Variants in ZNF425 observed in about 807,000 individuals in gnomAD.
ZNF425 encodes the protein zinc finger protein 425.
Under a neutral mutation model 17.0 loss-of-function variants are expected in ZNF425, and 21 were observed. That is an observed-to-expected ratio of 1.23 (90% CI 0.88 to 1.78). The LOEUF is 1.78. ZNF425 is among the 40% of genes most tolerant of loss of function. The pLI is 0.00. For missense variants in ZNF425, 868 were observed against 967.3 expected (o/e 0.90, Z 1.36); for synonymous variants, 433 against 384.1 (o/e 1.13, Z -1.49).
chr7:149,115,237 C>A (rs114092158), intron 2 of ZNF425, among the ~76,000 whole-genome samples: 6,761 of 151,226 alleles, frequency 0.045, 510 homozygotes, highest in African/African-American at 0.15. Flanking sequence ...GGCATGAGCC[C>A]CCACGCCTGG....
At chr7:149,125,423 T>C (rs1826445835) in intron 1 of ZNF425, among the ~76,000 whole-genome samples, 1 of 152,226 alleles carries the variant, frequency 6.6e-6, no homozygotes, top group South Asian at 2.1e-4. Flanking sequence ...CAATTCATTT[T>C]AAGTTTTCTG....
chr7:149,113,604 T>C (rs902433687), intron 2 of ZNF425: 1 of 146,510 alleles, frequency 6.8e-6, no homozygotes, highest in Non-Finnish European at 1.5e-5. Flanking sequence ...CAGGCTGGAG[T>C]GCAGTGGCAT....
At chr7:149,107,612 C>T (rs1305414343) in intron 3 of ZNF425, among the ~76,000 whole-genome samples, 2 of 151,940 alleles carry the variant, frequency 1.3e-5, no homozygotes, top group African/African-American at 4.8e-5. Context: ...GCTGGGATTA[C>T]AGGCATAAGC....
chr7:149,123,616 C>T (rs1268731904), intron 1 of ZNF425, among the ~76,000 whole-genome samples: 13 of 152,124 alleles, frequency 8.5e-5, no homozygotes, highest in African/African-American at 3.1e-4. Flanking sequence ...ACTGCAACCT[C>T]TGCCTCCCAG....
chr7:149,126,101 C>G, intron 1 of ZNF425, 95 bp downstream of exon 1: 2 of 1,591,790 alleles, frequency 1.3e-6, no homozygotes, highest in Non-Finnish European at 1.7e-6. Flanking sequence ...AGGCCCAGGC[C>G]CCGGCCGCCC....
rs777517411 is a variant in ZNF425, at chr7:149,118,240, C to A, written c.127G>T (p.Glu43Ter). The A allele has an allele frequency of 6.2e-7, 1 of 1,613,942 alleles. No homozygotes were observed. Among genetic ancestry groups the A allele is most frequent in the African/African-American group, 1.3e-5 (1 of 74,908 alleles). ...ATCTTACCCAGGGAATCAAGGGTCT[C>A]GTAATTGGTCTTCATCTCTTGCTTA... is the stretch of plus-strand genomic sequence containing the variant. ...MYKQEMKTNYETLDSLGYAFS... is the reference protein window; with the variant it reads ...MYKQEMKTNY The change falls in exon 2 of 4, where the codon GAG (glutamate) becomes TAG (stop). Residue 43 changes from glutamate (E) to a stop codon, truncating the protein, a stop_gained. Transcript: ENST00000378061. LOFTEE classifies it high-confidence loss of function.
At chr7:149,105,665 T>A (rs554216013) in intron 3 of ZNF425, 99 bp from the exon 4 acceptor site, 76 of 823,546 alleles carry the variant, frequency 9.2e-5, no homozygotes, top group Middle Eastern at 8.4e-4. Context: ...TATTATTATT[T>A]TTTGCGATAG....
At position 149,104,327 on chromosome 7, in the gene ZNF425, T is replaced by G. The variant is rs1585480274; in HGVS notation, c.1544A>C (p.Gln515Pro). Residue 515 changes from glutamine (Q) to proline (P), a missense_variant, in exon 4 of 4, where the codon CAG (glutamine) becomes CCG (proline). This residue lies in a region of ZNF425 where 437 missense variants were observed against 444.2 expected (regional missense o/e 0.98). Coordinates refer to ENST00000378061, the MANE Select transcript of ZNF425 (RefSeq NM_001001661.3). This position sits in a 1 kb window ranked among gnomAD's most constrained non-coding sequence, Gnocchi z 4.3. ...KTFSQQSRLTQHLKVHTTEKP... is the reference protein window; with the variant it reads ...KTFSQQSRLTPHLKVHTTEKP... Reference sequence around the variant, plus strand: ...TTCCGTGGTGTGGACCTTCAGGTGCTGCGTGAGCCGCGACTGCTGAGAAAA... The same window carrying G: ...TTCCGTGGTGTGGACCTTCAGGTGCGGCGTGAGCCGCGACTGCTGAGAAAA... The G allele has an allele frequency of 1.9e-6, 3 of 1,613,224 alleles. No homozygotes were observed. The East Asian group carries it at 6.7e-5, about 36-fold the overall frequency.
rs1282640147 is a variant in ZNF425 at position 149,105,505 on chromosome 7, C to G, written c.366G>C (p.Gln122His). ...EDCRLNGPQK[Q>H]DLCAALRGKE... ...TCCCTCGTAAGGCAGCACACAAGTCCTGTTTTTGAGGACCATTTAAACGGC... is the reference window on the plus strand; with the variant it reads ...TCCCTCGTAAGGCAGCACACAAGTCGTGTTTTTGAGGACCATTTAAACGGC... The change falls in exon 4 of 4, where the codon CAG becomes CAC. Residue 122 changes from glutamine (Q) to histidine (H), a missense_variant. This residue lies in a region of ZNF425 where 179 missense variants were observed against 216.3 expected (regional missense o/e 0.83). Transcript: ENST00000378061. The G allele has an allele frequency of 1.3e-6, 2 of 1,518,028 alleles. No individual in the cohort carries two copies. The highest frequency in any genetic ancestry group is 1.8e-6 in the Non-Finnish European group (2 of 1,136,592). 94.0% of individuals were successfully genotyped at this position (1,518,028 alleles called of 1,614,324 possible). A position where few individuals can be genotyped will look rare whatever the true frequency, so the allele number is the denominator to read the frequency against.
intron 1 of ZNF425, among the ~76,000 whole-genome samples, chr7:149,121,842 TA>T (rs139764965): frequency 0.035 from 5,324 of 152,322 alleles, 301 homozygotes; most frequent in African/African-American, 0.12. Context: ...GTAATGATGT[TA>T]AACATCTTTT....
In ZNF425 at chr7:149,104,783, C is replaced by A; in HGVS notation, c.1088G>T (p.Cys363Phe). ...SGKRPFHCPE[C>F]GRSFSRKAAL... The stretch of plus-strand genomic sequence containing the variant: ...AGCCTTCCGGGAGAAGCTCCGGCCA[C>A]ACTCGGGACAGTGGAAGGGCCTCTT... Residue 363 changes from cysteine to phenylalanine, a missense_variant, in exon 4 of 4, where the codon TGT (cysteine) becomes TTT (phenylalanine). Cys to Phe is a radical substitution (Grantham distance 205). Around this residue, in one of 5 missense-constraint regions of ZNF425, gnomAD observed 243 missense variants for 265.2 expected, o/e 0.92. Transcript: ENST00000378061. This position sits in a 1 kb window ranked among gnomAD's most constrained non-coding sequence, Gnocchi z 4.3. 1 of 1,613,620 alleles carries A rather than the reference C, an allele frequency of 6.2e-7. No individual in the cohort carries two copies. Among genetic ancestry groups the A allele is most frequent in the Non-Finnish European group, 8.5e-7 (1 of 1,179,954 alleles).
intron 2 of ZNF425, among the ~76,000 whole-genome samples, chr7:149,117,039 G>C (rs1563147928): frequency 6.6e-6 from 1 of 152,038 alleles, no homozygotes; most frequent in Non-Finnish European, 1.5e-5. Context: ...GAGGTGAGCA[G>C]ATCACGAGGT....
chr7:149,110,623 T>C (rs574776093), intron 3 of ZNF425, among the ~76,000 whole-genome samples: 8 of 151,750 alleles, frequency 5.3e-5, no homozygotes, highest in Non-Finnish European at 1.0e-4. Flanking sequence ...TACTCCCTTA[T>C]GTCACAAGGA....
At position 149,105,031 on chromosome 7, in the gene ZNF425, G is replaced by C. The variant is rs768758292; in HGVS notation, c.840C>G (p.Asp280Glu). The C allele has an allele frequency of 1.4e-5, 22 of 1,614,116 alleles. No homozygotes were observed. The highest frequency in any genetic ancestry group is 1.9e-5 in the Non-Finnish European group (22 of 1,180,056). Residue 280 changes from aspartate (D) to glutamate (E), a missense_variant, in exon 4 of 4, where the codon GAC becomes GAG. Asp to Glu is a conservative substitution (Grantham distance 45, BLOSUM62 2). Coordinates refer to ENST00000378061, the MANE Select transcript of ZNF425 (RefSeq NM_001001661.3). The part of the protein sequence containing the change: ...GQRPYPCPEC[D>E]KTFRYRANLK... ...GGTTGGCCCTGTACCGGAAGGTCTT[G>C]TCGCACTCAGGGCATGGGTAGGGCC...
chr7:149,110,471 C>T (rs574533484), intron 3 of ZNF425, among the ~76,000 whole-genome samples: 31 of 150,850 alleles, frequency 2.1e-4, no homozygotes, highest in African/African-American at 7.5e-4. Context: ...GAGGCTGAGG[C>T]AGGAGAATTG....
rs1376598595 is a variant in ZNF425, at chr7:149,105,080, T to C, written c.791A>G (p.His264Arg). 3.1e-6 allele frequency: 5 copies of C among 1,614,112 alleles called. No homozygotes were observed. Among genetic ancestry groups the C allele is most frequent in the Admixed American group, 3.3e-5 (2 of 60,004 alleles). ...SYFLKGSLVT[H>R]QVVHTGQRPY... ...CCGCTGGCCGGTGTGGACAACCTGA[T>C]GAGTGACGAGGCTGCCCTTCAGGAA... The change falls in exon 4 of 4, where the codon CAT becomes CGT. Residue 264 changes from histidine to arginine, a missense_variant. His to Arg is a conservative substitution (Grantham distance 29, BLOSUM62 0). Around this residue, in one of 5 missense-constraint regions of ZNF425, gnomAD observed 243 missense variants for 265.2 expected, o/e 0.92. Coordinates refer to ENST00000378061, the MANE Select transcript of ZNF425 (RefSeq NM_001001661.3).
rs1040040360 is a variant in ZNF425 at position 149,104,014 on chromosome 7, G to C, written c.1857C>G (p.Phe619Leu). The change falls in exon 4 of 4, where the codon TTC becomes TTG. Residue 619 changes from phenylalanine to leucine, a missense_variant. This residue lies in a region of ZNF425 where 437 missense variants were observed against 444.2 expected (regional missense o/e 0.98). Transcript: ENST00000378061. This position sits in a 1 kb window ranked among gnomAD's most constrained non-coding sequence, Gnocchi z 4.3. ...PYQCPECEKTFRLKGNLKSHL... is the reference protein window; with the variant it reads ...PYQCPECEKTLRLKGNLKSHL... Reference sequence around the variant, plus strand: ...GGCTTTTCAGGTTTCCCTTGAGGCGGAAAGTCTTCTCGCATTCAGGACACT... The same window carrying C: ...GGCTTTTCAGGTTTCCCTTGAGGCGCAAAGTCTTCTCGCATTCAGGACACT... 2 of 1,613,910 alleles carry C rather than the reference G, an allele frequency of 1.2e-6. No homozygotes were observed. The highest frequency in any genetic ancestry group is 1.7e-6 in the Non-Finnish European group (2 of 1,179,830).
At position 149,104,396 on chromosome 7, in the gene ZNF425, T is replaced by C. The variant is rs758388269; in HGVS notation, c.1475A>G (p.His492Arg). 2 of 1,607,876 alleles carry C rather than the reference T, an allele frequency of 1.2e-6. No homozygotes were observed. Among genetic ancestry groups the C allele is most frequent in the Non-Finnish European group, 1.7e-6 (2 of 1,177,020 alleles). ...GCAGGGAAACTCCTTCTGCCTGTCG[T>C]GGACTCTGGTGTGGCAGGCGAGCTT... The part of the protein sequence containing the change: ...PSKLACHTRV[H>R]DRQKEFPCGE... The change falls in exon 4 of 4, where the codon CAC (histidine) becomes CGC (arginine). Residue 492 changes from histidine (H) to arginine (R), a missense_variant. His to Arg is a conservative substitution (Grantham distance 29). Around this residue, in one of 5 missense-constraint regions of ZNF425, gnomAD observed 437 missense variants for 444.2 expected, o/e 0.98. Transcript: ENST00000378061. This position sits in a 1 kb window ranked among gnomAD's most constrained non-coding sequence, Gnocchi z 4.3.
chr7:149,104,537 G>A lies in ZNF425; in HGVS notation c.1334C>T (p.Pro445Leu), dbSNP rs1826041278. ...QHIGKRPFQC[P>L]ECSRGFFWRN... Reference sequence around the variant, plus strand: ...CCAGAAGAAGCCCCTGCTGCACTCCGGGCACTGGAAGGGCCGCTTCCCAAT... The same window carrying A: ...CCAGAAGAAGCCCCTGCTGCACTCCAGGCACTGGAAGGGCCGCTTCCCAAT... Residue 445 changes from proline (P) to leucine (L), a missense_variant, in exon 4 of 4, where the codon CCG (proline) becomes CTG (leucine). Coordinates refer to ENST00000378061, the MANE Select transcript of ZNF425 (RefSeq NM_001001661.3). The surrounding 1 kb of genome is among the most constrained non-coding windows in gnomAD (Gnocchi z 4.3). 3.1e-6 allele frequency: 5 copies of A among 1,610,048 alleles called. No individual in the cohort carries two copies. Among genetic ancestry groups the A allele is most frequent in the Non-Finnish European group, 3.4e-6 (4 of 1,178,366 alleles).
Sources: gnomAD v4.1 joint callset for allele counts (sites outside exome capture counted in the v4.1 genomes callset) on GRCh38, gnomAD v4.1.1 for gene constraint, gnomAD v4.1.1 regional missense constraint, Gnocchi (gnomAD v3.1) non-coding constraint, MANE v1.5 for transcripts, NCBI Gene and HGNC (gene_info 2026-07-23, HGNC 2026-07-21) for gene names.